Variants in ADGRF1 observed in about 807,000 individuals in gnomAD.
ADGRF1 encodes adhesion G protein-coupled receptor F1.
A neutral mutation model predicts 87.2 loss-of-function variants in ADGRF1; 85 were observed. That is an observed-to-expected ratio of 0.97 (90% CI 0.82 to 1.17). The LOEUF (loss-of-function observed/expected upper bound fraction) is 1.17, where lower values mean the gene tolerates loss of function less well. Among genes scored for constraint, ADGRF1 ranks in the 50% most tolerant of loss-of-function variants. The pLI, the probability that ADGRF1 is intolerant of heterozygous loss-of-function variation, is 0.00. For synonymous variants in ADGRF1, 430 were observed against 408.8 expected (o/e 1.05, Z -0.63); for missense variants, 1,169 against 1,077.2 (o/e 1.09, Z -1.19).
At chr6:47,011,861 T>C (rs1779716560) in intron 10 of ADGRF1, 146 bp downstream of exon 10, 2 of 684,580 alleles carry the variant, frequency 2.9e-6, no homozygotes, top group African/African-American at 3.6e-5. Context: ...GTTCCTTGTA[T>C]ACCTCAGAGG....
intron 8 of ADGRF1, among the ~76,000 whole-genome samples, chr6:47,015,184 G>T (rs1476611054): frequency 6.6e-6 from 1 of 152,138 alleles, no homozygotes. Flanking sequence ...CTCTTTAAAG[G>T]AACATTAGAA....
At chr6:47,012,777 T>A (rs2113884405) in intron 9 of ADGRF1, 1 of 985,456 alleles carries the variant, frequency 1.0e-6, no homozygotes, top group South Asian at 4.7e-5. Flanking sequence ...TTTGTTTTTT[T>A]TATTTTTTTC....
At chr6:47,036,311 C>T (rs542232149) in intron 1 of ADGRF1, among the ~76,000 whole-genome samples, 8 of 152,278 alleles carry the variant, frequency 5.3e-5, no homozygotes, top group South Asian at 2.1e-4. Context: ...TACCTGGTGA[C>T]GGGATCATTT....
chr6:47,035,039 C>A (rs1234432400), intron 1 of ADGRF1, among the ~76,000 whole-genome samples: 1 of 152,208 alleles, frequency 6.6e-6, no homozygotes, highest in Non-Finnish European at 1.5e-5. Context: ...TAGCTCATTG[C>A]TCAGTATGCC....
At chr6:47,039,700 G>A (rs1208978532) in intron 1 of ADGRF1, among the ~76,000 whole-genome samples, 2 of 152,218 alleles carry the variant, frequency 1.3e-5, no homozygotes, top group East Asian at 1.9e-4. Context: ...GGTGGCTCAC[G>A]CCTGTAATCC....
chr6:47,023,407 A>C (rs948993127), intron 5 of ADGRF1, among the ~76,000 whole-genome samples: 2 of 152,230 alleles, frequency 1.3e-5, no homozygotes, highest in African/African-American at 4.8e-5. Flanking sequence ...TGGGGCTTCC[A>C]GTTAACTGGA....
intron 6 of ADGRF1, 130 bp from the exon 7 acceptor site, chr6:47,020,919 G>T (rs1780028345): frequency 4.4e-6 from 3 of 686,528 alleles, no homozygotes; most frequent in Non-Finnish European, 7.7e-6. Context: ...AGACACAGTG[G>T]GAAGTAATTG....
chr6:47,002,089 CAA>C (rs961281581), intron 13 of ADGRF1: 2 of 152,974 alleles, frequency 1.3e-5, no homozygotes, highest in African/African-American at 4.8e-5. Context: ...ATATTTGAAA[CAA>C]AGAGCATGTA....
chr6:47,009,352 G>T lies in ADGRF1; in HGVS notation c.2083C>A (p.Gln695Lys). ...RIILVFHHMA[Q>K]HLMMAVGFCL... is the part of the protein sequence containing the mutation. Reference sequence around the variant, plus strand: ...AATCCAACAGCCATCATCAAATGCTGGGCCATGTGATGGAACACGAGGATG... The same window carrying T: ...AATCCAACAGCCATCATCAAATGCTTGGCCATGTGATGGAACACGAGGATG... The change falls in exon 11 of 15, where the codon CAG becomes AAG. Residue 695 changes from glutamine to lysine, a missense_variant. By Grantham distance (53) the Gln-to-Lys change is moderately conservative (BLOSUM62 1). Transcript: ENST00000371253. The T allele has an allele frequency of 6.2e-7, 1 of 1,614,146 alleles. No homozygotes were observed.
chr6:47,039,609 C>T (rs943525652), intron 1 of ADGRF1, among the ~76,000 whole-genome samples: 20 of 152,296 alleles, frequency 1.3e-4, no homozygotes, highest in African/African-American at 4.6e-4. Context: ...TTTCAGACCA[C>T]GATGCTATAG....
In ADGRF1 at chr6:47,018,026, T is replaced by C. The variant is rs72864767; in HGVS notation, c.612-1258A>G. The C allele has an allele frequency of 6.1e-3, 1,128 of 184,198 alleles. 4 individuals carry two copies. The highest frequency in any genetic ancestry group is 0.011 in the Non-Finnish European group (921 of 87,658). The allele number at this position is 184,198 out of a possible 1,614,324, so 11.4% of individuals were successfully genotyped here. Reference sequence around the variant, plus strand: ...AAGTGGAAGGACAGCATTGCTGTAATGGAAATAGGGAAGACAGTGGGAAAA... The same window carrying C: ...AAGTGGAAGGACAGCATTGCTGTAACGGAAATAGGGAAGACAGTGGGAAAA... On this transcript the variant is annotated intron_variant, in intron 7 of 14. Transcript: ENST00000371253.
At position 47,009,489 on chromosome 6, in the gene ADGRF1, G is replaced by A. The variant is rs146696622; in HGVS notation, c.1946C>T (p.Thr649Ile). The change falls in exon 11 of 15, where the codon ACC becomes ATC. Residue 649 changes from threonine to isoleucine, a missense_variant. By Grantham distance (89) the Thr-to-Ile change is moderately conservative. Transcript: ENST00000371253. ...VWFIVGATVD[T>I]TVNPSGVCTA... ...GCAGACTCCAGAAGGGTTCACCGTG[G>A]TGTCCACTGTGGCACCAACAATAAA... 3.1e-4 allele frequency: 496 copies of A among 1,613,848 alleles called. 3 individuals are homozygous for A. The highest frequency in any genetic ancestry group is 5.7e-5 in the Non-Finnish European group (67 of 1,179,980).
chr6:47,032,639 T>G (rs527619022), intron 1 of ADGRF1, among the ~76,000 whole-genome samples: 1 of 152,364 alleles, frequency 6.6e-6, no homozygotes, highest in African/African-American at 2.4e-5. Context: ...TTTTCTATAC[T>G]TTGGTTTAGT....
intron 1 of ADGRF1, among the ~76,000 whole-genome samples, chr6:47,029,600 G>T (rs1272389568): frequency 6.6e-6 from 1 of 152,110 alleles, no homozygotes; most frequent in Non-Finnish European, 1.5e-5. Flanking sequence ...ATGTCCTCGA[G>T]TTTATGGTTA....
chr6:47,029,794 T>C (rs58494601), intron 1 of ADGRF1, among the ~76,000 whole-genome samples: 2,499 of 152,320 alleles, frequency 0.016, 65 homozygotes, highest in African/African-American at 0.057. Context: ...AAATTTAAAA[T>C]TCAGTTGCTC....
rs1261474947 is a variant in ADGRF1, at chr6:47,009,263, G to C, written c.2172C>G (p.Ser724Arg). 1 of 1,614,146 alleles carries C rather than the reference G, an allele frequency of 6.2e-7. No homozygotes were observed. The highest frequency in any genetic ancestry group is 8.5e-7 in the Non-Finnish European group (1 of 1,180,026). Residue 724 changes from serine to arginine, a missense_variant, in exon 11 of 15, where the codon AGC becomes AGG. Coordinates refer to ENST00000371253, the MANE Select transcript of ADGRF1 (RefSeq NM_153840.4). ...SVITIAVTQP[S>R]NTYKRKDVCW... ...ACACATCTTTCCTTTTGTAGGTATT[G>C]CTAGGTTGCGTGACAGCAATGGTAA...
rs1779638796 is a variant in ADGRF1 at position 47,009,668 on chromosome 6, G to T, written c.1767C>A (p.Thr589=). The T allele has an allele frequency of 6.2e-7, 1 of 1,614,084 alleles. No individual in the cohort carries two copies. Among genetic ancestry groups the T allele is most frequent in the Admixed American group, 1.7e-5 (1 of 60,006 alleles). ...STIFPVVKWI[T]YVGLGISIGS... is the part of the protein sequence containing the mutation. The stretch of plus-strand genomic sequence containing the variant: ...CAATGGAGATACCCAGTCCCACATA[G>T]GTGATCCATTTTACAACGGGGAAGA... Residue 589 remains threonine, a synonymous_variant, in exon 11 of 15, where the codon ACC becomes ACA. Transcript: ENST00000371253.
intron 12 of ADGRF1, among the ~76,000 whole-genome samples, 187 bp downstream of exon 12, chr6:47,007,066 T>C (rs2113878033): frequency 6.6e-6 from 1 of 152,336 alleles, no homozygotes. Context: ...TTCTGCAAGC[T>C]TTATCAGCAG....
At chr6:47,015,861 G>T (rs1779859690) in intron 8 of ADGRF1, among the ~76,000 whole-genome samples, 1 of 151,786 alleles carries the variant, frequency 6.6e-6, no homozygotes, top group African/African-American at 2.4e-5. Context: ...GCCTCCCAAA[G>T]TTTTGGGATT....
Sources: gnomAD v4.1 joint callset for allele counts (sites outside exome capture counted in the v4.1 genomes callset) on GRCh38, gnomAD v4.1.1 for gene constraint, MANE v1.5 for transcripts, NCBI Gene and HGNC (gene_info 2026-07-23, HGNC 2026-07-21) for gene names.